The following AUTS2 variants were observed in gnomAD, a reference collection of about 807,000 sequenced individuals.
AUTS2 encodes autism susceptibility gene 2 protein.
AUTS2 carries 17 observed loss-of-function variants against 112.4 expected under a neutral mutation model. That is an observed-to-expected ratio of 0.15 (90% CI 0.10 to 0.23). The LOEUF is 0.23. Among genes scored for constraint, AUTS2 ranks in the 10% least tolerant of loss-of-function variants. AUTS2 has a pLI of 1.00. For synonymous variants in AUTS2, 751 were observed against 702.7 expected (o/e 1.07, Z -1.09); for missense variants, 1,510 against 1,701.6 (o/e 0.89, Z 1.98).
chr7:69,682,799 C>T (rs1262157587), intron 1 of AUTS2, among the ~76,000 whole-genome samples: 4 of 152,086 alleles, frequency 2.6e-5, no homozygotes, highest in African/African-American at 9.7e-5. Context: ...CATGGTGGTT[C>T]GGCCTGCAGT....
At chr7:70,621,429 A>G (rs1355037227) in intron 5 of AUTS2, among the ~76,000 whole-genome samples, 1 of 152,228 alleles carries the variant, frequency 6.6e-6, no homozygotes, top group African/African-American at 2.4e-5. Context: ...TCCTCTCCTG[A>G]GTACTAAGCC....
At chr7:70,082,525 A>G (rs2129565216) in intron 2 of AUTS2, among the ~76,000 whole-genome samples, 1 of 152,340 alleles carries the variant, frequency 6.6e-6, no homozygotes, top group Non-Finnish European at 1.5e-5. Context: ...AAATTGTTCC[A>G]AATGTCTGAA....
intron 1 of AUTS2, among the ~76,000 whole-genome samples, chr7:69,862,815 G>C (rs1227446166): frequency 1.3e-5 from 2 of 152,114 alleles, no homozygotes; most frequent in Non-Finnish European, 2.9e-5. Flanking sequence ...TTTTCATAAT[G>C]ATATGAAAAG....
intron 5 of AUTS2, among the ~76,000 whole-genome samples, chr7:70,475,046 G>A (rs1022666648): frequency 2.0e-5 from 3 of 152,190 alleles, no homozygotes; most frequent in Middle Eastern, 3.2e-3. Context: ...CCTAAGACAT[G>A]TAAGTGGCAG....
intron 3 of AUTS2, among the ~76,000 whole-genome samples, chr7:70,133,343 A>G (rs1806375591): frequency 1.3e-5 from 2 of 152,178 alleles, no homozygotes; most frequent in African/African-American, 4.8e-5. Flanking sequence ...TTTTTCTTAC[A>G]CATAATCCAT....
At chr7:69,675,487 G>T (rs1025505218) in intron 1 of AUTS2, among the ~76,000 whole-genome samples, 1 of 150,592 alleles carries the variant, frequency 6.6e-6, no homozygotes, top group African/African-American at 2.4e-5. Flanking sequence ...TCATTTCTCA[G>T]GGTGGTTTTG....
At chr7:69,949,951 C>A (rs1245630021) in intron 2 of AUTS2, among the ~76,000 whole-genome samples, 1 of 152,094 alleles carries the variant, frequency 6.6e-6, no homozygotes, top group African/African-American at 2.4e-5. Context: ...GATCTTAACT[C>A]TGGTGTGTAC....
chr7:69,947,229 G>A (rs1796850456), intron 2 of AUTS2, among the ~76,000 whole-genome samples: 1 of 152,276 alleles, frequency 6.6e-6, no homozygotes, highest in South Asian at 2.1e-4. Flanking sequence ...TAGTTATGTT[G>A]TGTGCAAGGC....
At position 70,159,610 on chromosome 7, in the gene AUTS2, G is replaced by A. The variant is rs1807968453; in HGVS notation, c.660+25039G>A. Among the ~76,000 whole-genome samples the A allele has an allele frequency of 2.0e-5, 3 of 152,120 alleles. No homozygotes were observed. In the South Asian group the frequency reaches 6.2e-4, roughly 32 times the overall value. Reference sequence around the variant, plus strand: ...GCAGCTTTTTGTTACATCATATTTGGTCCCAAAATGTCATGCCATGCAATG... The same window carrying A: ...GCAGCTTTTTGTTACATCATATTTGATCCCAAAATGTCATGCCATGCAATG... On this transcript the variant is annotated intron_variant, in intron 4 of 18. Coordinates refer to ENST00000342771, the MANE Select transcript of AUTS2 (RefSeq NM_015570.4).
chr7:70,246,321 A>G lies in AUTS2; in HGVS notation c.660+111750A>G, dbSNP rs139444059. Among the ~76,000 whole-genome samples, 210 of 152,274 alleles carry G rather than the reference A, an allele frequency of 1.4e-3. 1 individual carries two copies. In the East Asian group the frequency reaches 0.016, roughly 12 times the overall value. ...TGTTTTCTAAAAGTGTTCTAGTTTT[A>G]TCTTTTACACTTAATTCATTGCTTT... On this transcript the variant is annotated intron_variant, in intron 4 of 18. Coordinates refer to ENST00000342771, the MANE Select transcript of AUTS2 (RefSeq NM_015570.4).
At chr7:69,870,245 T>C (rs1266757522) in intron 1 of AUTS2, among the ~76,000 whole-genome samples, 1 of 151,780 alleles carries the variant, frequency 6.6e-6, no homozygotes, top group African/African-American at 2.4e-5. Context: ...TTTTAACATA[T>C]TAGTAAGACC....
intron 5 of AUTS2, among the ~76,000 whole-genome samples, chr7:70,691,829 T>C (rs1808768554): frequency 6.6e-6 from 1 of 151,496 alleles, no homozygotes; most frequent in Admixed American, 6.6e-5. Context: ...CAGATCTGGC[T>C]GAGGCCGTCA....
intron 1 of AUTS2, among the ~76,000 whole-genome samples, chr7:69,857,765 T>A (rs1562931638): frequency 6.6e-6 from 1 of 150,946 alleles, no homozygotes; most frequent in Non-Finnish European, 1.5e-5. Context: ...TGCAGTGAGC[T>A]GGGTTTGTGC....
At chr7:70,115,563 T>C (rs1379777260) in intron 2 of AUTS2, among the ~76,000 whole-genome samples, 1 of 152,190 alleles carries the variant, frequency 6.6e-6, no homozygotes, top group South Asian at 2.1e-4. Flanking sequence ...TTAGAACATA[T>C]TATGTGGAGA....
At chr7:69,634,990 C>T (rs957030629) in intron 1 of AUTS2, among the ~76,000 whole-genome samples, 4 of 133,642 alleles carry the variant, frequency 3.0e-5, no homozygotes, top group African/African-American at 8.8e-5. Flanking sequence ...AGTCTAGATC[C>T]GCTCCTTGTA....
rs535312085 is a variant in AUTS2, at chr7:70,081,915, C to T, written c.523-36217C>T. Among the ~76,000 whole-genome samples, 5 of 150,230 alleles carry T rather than the reference C, an allele frequency of 3.3e-5. No individual in the cohort carries two copies. In the East Asian group the frequency reaches 7.9e-4, roughly 24 times the overall value. ...ACATTAACTTTTAGGAAAGAAAAAA[C>T]GGTAGATTTTTCTGTGAAGAGTGTG... On this transcript the variant is annotated intron_variant, in intron 2 of 18. Coordinates refer to ENST00000342771, the MANE Select transcript of AUTS2 (RefSeq NM_015570.4).
intron 2 of AUTS2, among the ~76,000 whole-genome samples, chr7:70,038,948 G>A (rs1204296143): frequency 1.3e-5 from 2 of 151,926 alleles, no homozygotes; most frequent in African/African-American, 2.4e-5. Flanking sequence ...TAGTAGAGAC[G>A]GAGTTTCACT....
At chr7:70,500,034 G>A (rs942016111) in intron 5 of AUTS2, among the ~76,000 whole-genome samples, 1 of 152,142 alleles carries the variant, frequency 6.6e-6, no homozygotes, top group South Asian at 2.1e-4. Flanking sequence ...TCGGAAAATA[G>A]ACAGTGAGTG....
In AUTS2 at chr7:70,631,279, G is replaced by A. The variant is rs1424500390; in HGVS notation, c.691-67290G>A. Among the ~76,000 whole-genome samples, 2 of 152,192 alleles carry A rather than the reference G, an allele frequency of 1.3e-5. No homozygotes were observed. Among genetic ancestry groups the A allele is most frequent in the Non-Finnish European group, 2.9e-5 (2 of 68,034 alleles). ...ATACTTTACAGCAGGGCTGGGGCCC[G>A]GCTTGCTGCGGGCTGGCCGGGCTGC... On this transcript the variant is annotated intron_variant, in intron 5 of 18. Transcript: ENST00000342771. This position sits in a 1 kb window ranked among gnomAD's most constrained non-coding sequence, Gnocchi z 4.5.
Sources: allele counts gnomAD v4.1 joint callset (sites outside exome capture counted in the v4.1 genomes callset), GRCh38; gene constraint gnomAD v4.1.1; non-coding constraint Gnocchi (gnomAD v3.1); transcripts MANE v1.5; gene names NCBI Gene and HGNC (gene_info 2026-07-23, HGNC 2026-07-21).